NTM: variants seen among roughly 807,000 people sequenced by gnomAD.
NTM encodes the protein IgLON family member 2.
Under a neutral mutation model 42.1 loss-of-function variants are expected in NTM, and 13 were observed. That is an observed-to-expected ratio of 0.31 (90% CI 0.20 to 0.49). The LOEUF is 0.49. Ranked by LOEUF, NTM falls within the 20% of genes least tolerant of loss-of-function variation. The probability of loss-of-function intolerance (pLI) is 0.99; values close to 1 mark genes in which losing one functional copy is unlikely to be tolerated. For missense variants in NTM, 373 were observed against 452.8 expected (o/e 0.82, Z 1.60); for synonymous variants, 187 against 179.2 (o/e 1.04, Z -0.35).
At chr11:131,706,957 T>C (rs2076652990) in intron 1 of NTM, among the ~76,000 whole-genome samples, 5 of 152,068 alleles carry the variant, frequency 3.3e-5, no homozygotes, top group Admixed American at 3.3e-4. Context: ...ATTAACATAT[T>C]TTAACCTCAC....
chr11:131,631,316 A>G (rs2063634914), intron 1 of NTM, among the ~76,000 whole-genome samples: 1 of 152,226 alleles, frequency 6.6e-6, no homozygotes, highest in South Asian at 2.1e-4. Context: ...AACCACGCAA[A>G]TAACAGAAAG....
intron 1 of NTM, among the ~76,000 whole-genome samples, chr11:131,751,820 G>A (rs186110132): frequency 1.6e-4 from 14 of 88,544 alleles, no homozygotes; most frequent in Non-Finnish European, 2.5e-4. Context: ...TTATACTCAT[G>A]TGTTTGTTTA....
intron 2 of NTM, among the ~76,000 whole-genome samples, chr11:132,074,815 A>T (rs977158273): frequency 6.6e-6 from 1 of 152,206 alleles, no homozygotes; most frequent in Non-Finnish European, 1.5e-5. Flanking sequence ...TAAAAATAAT[A>T]CAGTATGTAG....
At chr11:131,539,228 C>CA (rs2052794287) in intron 1 of NTM, 1 of 152,148 alleles carries the variant, frequency 6.6e-6, no homozygotes, top group Non-Finnish European at 1.5e-5. Flanking sequence ...AGGCATAAGC[C>CA]AAAAAGCCAA....
intron 1 of NTM, among the ~76,000 whole-genome samples, chr11:131,455,266 C>T (rs961456070): frequency 1.3e-5 from 2 of 152,172 alleles, no homozygotes; most frequent in African/African-American, 4.8e-5. Flanking sequence ...GGTTTAGATG[C>T]AGGAGGTGTT....
intron 1 of NTM, among the ~76,000 whole-genome samples, chr11:131,703,897 C>T (rs536939962): frequency 3.3e-5 from 5 of 152,090 alleles, no homozygotes; most frequent in African/African-American, 4.8e-5. Flanking sequence ...AGGCCTGCCT[C>T]GATGGCCCCG....
At chr11:131,649,387 G>A (rs1439380278) in intron 1 of NTM, among the ~76,000 whole-genome samples, 1 of 152,210 alleles carries the variant, frequency 6.6e-6, no homozygotes, top group Non-Finnish European at 1.5e-5. Context: ...ATGGGAATAA[G>A]TATTGAACGG....
intron 1 of NTM, among the ~76,000 whole-genome samples, chr11:131,890,443 G>C (rs1451942214): frequency 6.6e-6 from 1 of 152,232 alleles, no homozygotes; most frequent in Non-Finnish European, 1.5e-5. Flanking sequence ...AGTGCAGGGG[G>C]AGACAGTGGT....
chr11:132,315,051 A>ATACTT (rs2095391756), intron 7 of NTM: 3 of 1,060,030 alleles, frequency 2.8e-6, no homozygotes, highest in Non-Finnish European at 3.4e-6. Flanking sequence ...TAGGAGAAAA[A>ATACTT]TACTTTGGAA....
chr11:132,335,499 A>G lies in NTM; in HGVS notation c.*353A>G, dbSNP rs112109169. The G allele has an allele frequency of 2.6e-3, 684 of 260,386 alleles. 6 individuals are homozygous for G. Among genetic ancestry groups the G allele is most frequent in the African/African-American group, 0.015 (655 of 43,888 alleles). 16.1% of individuals were successfully genotyped at this position (260,386 alleles called of 1,614,324 possible). On this transcript the variant is annotated 3_prime_UTR_variant, in exon 9 of 9. Transcript: ENST00000683400. ...GCCTCTCTGCCCACAGAGTGCCCCC[A>G]CGTGGAACATTCTGGAGCTGGCCAT... is the stretch of plus-strand genomic sequence containing the variant.
chr11:131,894,363 G>A (rs1326408229), intron 1 of NTM, among the ~76,000 whole-genome samples: 5 of 152,204 alleles, frequency 3.3e-5, no homozygotes, highest in Non-Finnish European at 5.9e-5. Context: ...TATGGGATCC[G>A]CACTGTGGCC....
At chr11:131,809,468 G>A (rs1012784819) in intron 1 of NTM, among the ~76,000 whole-genome samples, 2 of 152,178 alleles carry the variant, frequency 1.3e-5, no homozygotes, top group African/African-American at 4.8e-5. Context: ...CTGTGGCCCC[G>A]GTGAGGCCAC....
At chr11:131,968,815 G>A (rs1006629973) in intron 2 of NTM, among the ~76,000 whole-genome samples, 1 of 152,136 alleles carries the variant, frequency 6.6e-6, no homozygotes, top group African/African-American at 2.4e-5. Flanking sequence ...TGAACACAAA[G>A]AGCCTTCCAC....
rs140826015 is a variant in NTM at position 131,920,569 on chromosome 11, G to A, written c.167+8921G>A. Among the ~76,000 whole-genome samples, 945 of 152,260 alleles carry A rather than the reference G, an allele frequency of 6.2e-3. 9 individuals are homozygous for A. Among genetic ancestry groups the A allele is most frequent in the African/African-American group, 0.021 (893 of 41,546 alleles). On this transcript the variant is annotated intron_variant, in intron 2 of 8. Transcript: ENST00000683400. ...ATGAATAGCCGTCTTGATCTTTCAT[G>A]ATCTGTTTTTCTTAAATCTCATTTA...
intron 1 of NTM, among the ~76,000 whole-genome samples, chr11:131,692,668 A>G (rs1224519475): frequency 6.6e-6 from 1 of 152,248 alleles, no homozygotes; most frequent in East Asian, 1.9e-4. Flanking sequence ...TTGATGTGGC[A>G]TCAGGGATGA....
intron 4 of NTM, among the ~76,000 whole-genome samples, chr11:132,234,861 T>C (rs535957139): frequency 3.7e-4 from 56 of 152,338 alleles, no homozygotes; most frequent in African/African-American, 1.3e-3. Flanking sequence ...ATGTGTAATA[T>C]GTGTTTGTGT....
intron 1 of NTM, among the ~76,000 whole-genome samples, chr11:131,759,900 G>A (rs1400914694): frequency 6.6e-6 from 1 of 152,030 alleles, no homozygotes; most frequent in African/African-American, 2.4e-5. Context: ...TTCTTCACAG[G>A]AGGGAGAGAA....
chr11:131,780,378 T>C (rs2087853196), intron 1 of NTM, among the ~76,000 whole-genome samples: 1 of 152,216 alleles, frequency 6.6e-6, no homozygotes, highest in Admixed American at 6.5e-5. Flanking sequence ...TTAAGAAGCA[T>C]CTTAGCTGTC....
Position 131,614,912 on chromosome 11 carries a change from T to C in NTM, c.82+244024T>C, listed in dbSNP as rs139578730. Among the ~76,000 whole-genome samples, 243 of 152,346 alleles carry C rather than the reference T, an allele frequency of 1.6e-3. 2 individuals are homozygous for C. Among genetic ancestry groups the C allele is most frequent in the African/African-American group, 5.6e-3 (232 of 41,578 alleles). On this transcript the variant is annotated intron_variant, in intron 1 of 8. Coordinates refer to ENST00000683400, the MANE Select transcript of NTM (RefSeq NM_001352005.2). ...CCGCCTGGCTTTGATTCCAGCTGTT[T>C]CTCTCACATTCTCTGGCTGGCTCGC...
Sources: gnomAD v4.1 joint callset for allele counts (sites outside exome capture counted in the v4.1 genomes callset) on GRCh38, gnomAD v4.1.1 for gene constraint, MANE v1.5 for transcripts, NCBI Gene and HGNC (gene_info 2026-07-23, HGNC 2026-07-21) for gene names.